TGM2: variants seen among roughly 807,000 people sequenced by gnomAD.
TGM2 encodes the protein protein-glutamine gamma-glutamyltransferase 2.
Under a neutral mutation model 75.6 loss-of-function variants are expected in TGM2, and 53 were observed. The observed-to-expected ratio is 0.70, with a 90% CI of 0.56 to 0.88. The LOEUF (loss-of-function observed/expected upper bound fraction) is 0.88. Among genes scored for constraint, TGM2 ranks in the 40% least tolerant of loss-of-function variants. The probability of loss-of-function intolerance (pLI) is 0.00; values close to 1 mark genes in which losing one functional copy is unlikely to be tolerated. For missense variants in TGM2, 842 were observed against 928.5 expected, an observed-to-expected ratio of 0.91 and a Z score of 1.21; for synonymous variants, 374 against 381.1, an observed-to-expected ratio of 0.98 and a Z score of 0.22.
intron 10 of TGM2, among the ~76,000 whole-genome samples, chr20:38,135,035 C>T (rs948283572): frequency 2.6e-5 from 4 of 152,224 alleles, no homozygotes; most frequent in Non-Finnish European, 5.9e-5. Context: ...GGATCCCCAA[C>T]AGGAGGGACC....
chr20:38,160,713 T>C (rs2075242507), intron 2 of TGM2, among the ~76,000 whole-genome samples: 1 of 152,174 alleles, frequency 6.6e-6, no homozygotes, highest in Non-Finnish European at 1.5e-5. Context: ...CTAGCTGGGC[T>C]TTTTCTCTGC....
chr20:38,143,274 A>G (rs45607335), intron 6 of TGM2, among the ~76,000 whole-genome samples: 395 of 152,342 alleles, frequency 2.6e-3, no homozygotes, highest in African/African-American at 7.3e-3. Context: ...AGCTGCTTTC[A>G]GCTGTGTGAC....
chr20:38,137,832 G>T, intron 10 of TGM2: 1 of 568,402 alleles, frequency 1.8e-6, no homozygotes. Flanking sequence ...TGTGAGGACA[G>T]GTTAACTCCC....
intron 2 of TGM2, among the ~76,000 whole-genome samples, chr20:38,159,432 A>G (rs2122965243): frequency 6.6e-6 from 1 of 152,234 alleles, no homozygotes; most frequent in South Asian, 2.1e-4. Flanking sequence ...CTGGGTGACA[A>G]AATAATCGGT....
chr20:38,150,861 C>G, intron 4 of TGM2, 78 bp downstream of exon 4: 1 of 1,116,154 alleles, frequency 9.0e-7, no homozygotes, highest in Non-Finnish European at 1.4e-6. Context: ...ACCTGTGCAG[C>G]TTTGGCTGCC....
chr20:38,152,879 G>GGGCC (rs1323014902), intron 3 of TGM2, among the ~76,000 whole-genome samples: 1 of 152,254 alleles, frequency 6.6e-6, no homozygotes, highest in Non-Finnish European at 1.5e-5. Flanking sequence ...AGGAGGAAGG[G>GGGCC]GGCCATCCCC....
chr20:38,147,217 C>T (rs527889251), intron 5 of TGM2, among the ~76,000 whole-genome samples: 11 of 152,162 alleles, frequency 7.2e-5, no homozygotes, highest in South Asian at 2.1e-4. Context: ...TACAAAGACC[C>T]GCTTGGGCCC....
At chr20:38,135,404 T>TACACACACACACAC (rs111420640) in intron 10 of TGM2, among the ~76,000 whole-genome samples, 5,386 of 147,354 alleles carry the variant, frequency 0.037, 114 homozygotes, top group Admixed American at 0.054. Flanking sequence ...CCTAAATGTA[T>TACACACACACACAC]ACACACACAC....
At chr20:38,138,062 G>C in intron 10 of TGM2, 51 bp downstream of exon 10, 1 of 1,538,196 alleles carries the variant, frequency 6.5e-7, no homozygotes, top group South Asian at 1.2e-5. Flanking sequence ...TCACTACCTA[G>C]CATGTTGTCA....
chr20:38,142,236 G>A (rs1467360316), intron 6 of TGM2, 37 bp from the exon 7 acceptor site: 1 of 1,613,322 alleles, frequency 6.2e-7, no homozygotes, highest in South Asian at 1.1e-5. Context: ...TGAGGTCCTG[G>A]AGACATCCGC....
chr20:38,139,644 G>A lies in TGM2; in HGVS notation c.1110C>T (p.Cys370=). The change falls in exon 9 of 13, where the codon TGC becomes TGT. Residue 370 remains cysteine (C), a synonymous_variant. Transcript: ENST00000361475. ...TPQEKSEGTY[C]CGPVPVRAIK... is the part of the protein sequence containing the mutation. ...TGGCACGAACTGGAACTGGGCCACA[G>A]CAGTACGTCCCTGGCAGAGGTAGAA... The A allele has an allele frequency of 1.2e-6, 2 of 1,614,188 alleles. No homozygotes were observed. The highest frequency in any genetic ancestry group is 1.7e-6 in the Non-Finnish European group (2 of 1,180,036).
Position 38,142,293 on chromosome 20 carries a change from T to C in TGM2, c.860-94A>G, listed in dbSNP as rs922933193. 4 of 1,576,390 alleles carry C rather than the reference T, an allele frequency of 2.5e-6. No individual in the cohort carries two copies. In the African/African-American group the frequency reaches 5.4e-5, roughly 21 times the overall value. On this transcript the variant is annotated intron_variant, in intron 6 of 12. Coordinates refer to ENST00000361475, the MANE Select transcript of TGM2 (RefSeq NM_004613.4). Reference sequence around the variant, plus strand: ...CCCATCTGCATTCCAGGGAACACTGTACCTGCTGTCCAAGTGCTGAGAACA... The same window carrying C: ...CCCATCTGCATTCCAGGGAACACTGCACCTGCTGTCCAAGTGCTGAGAACA...
chr20:38,144,434 G>A lies in TGM2; in HGVS notation c.860-2235C>T, dbSNP rs113020099. On this transcript the variant is annotated intron_variant, in intron 6 of 12. Coordinates refer to ENST00000361475, the MANE Select transcript of TGM2 (RefSeq NM_004613.4). ...AACAGCACAGTGTGTCATGGTGCCCGTTACGGCAAACGTCGTCCATCAGTG... is the reference window on the plus strand; with the variant it reads ...AACAGCACAGTGTGTCATGGTGCCCATTACGGCAAACGTCGTCCATCAGTG... Among the ~76,000 whole-genome samples the A allele has an allele frequency of 2.0e-4, 31 of 152,286 alleles. 1 individual carries two copies. Among genetic ancestry groups the A allele is most frequent in the African/African-American group, 6.3e-4 (26 of 41,554 alleles).
chr20:38,148,305 G>A (rs745938626), intron 4 of TGM2, among the ~76,000 whole-genome samples: 1 of 152,202 alleles, frequency 6.6e-6, no homozygotes, highest in African/African-American at 2.4e-5. Flanking sequence ...AGTGTGTGAC[G>A]AAGAGGGTAA....
At chr20:38,149,690 A>AAAAAAAAAAAAAAAAAC (rs1457426013) in intron 4 of TGM2, among the ~76,000 whole-genome samples, 19 of 149,004 alleles carry the variant, frequency 1.3e-4, no homozygotes, top group African/African-American at 4.8e-4. Flanking sequence ...AAAAAAAAAA[A>AAAAAAAAAAAAAAAAAC]AAAAAAAAAA....
intron 10 of TGM2, among the ~76,000 whole-genome samples, chr20:38,135,404 T>TACACACACACAC (rs111420640): frequency 0.013 from 1,884 of 147,388 alleles, 28 homozygotes; most frequent in African/African-American, 0.034. Context: ...CCTAAATGTA[T>TACACACACACAC]ACACACACAC....
chr20:38,147,917 C>T, intron 5 of TGM2, 44 bp downstream of exon 5: 1 of 1,586,636 alleles, frequency 6.3e-7, no homozygotes, highest in Non-Finnish European at 8.6e-7. Flanking sequence ...CTGCGGGAGC[C>T]CCCTGTAGGC....
intron 4 of TGM2, among the ~76,000 whole-genome samples, chr20:38,150,421 A>C (rs1479911689): frequency 2.6e-5 from 4 of 152,232 alleles, no homozygotes; most frequent in Admixed American, 1.3e-4. Flanking sequence ...AGATACAACC[A>C]GATCAGCAGT....
chr20:38,135,550 CCAGGCAG>C (rs45481702), intron 10 of TGM2, among the ~76,000 whole-genome samples: 38,055 of 151,372 alleles, frequency 0.25, 6,087 homozygotes, highest in African/African-American at 0.46. Context: ...GAGCCCACAG[CCAGGCAG>C]CAGGCAGCAG....
Sources: allele counts gnomAD v4.1 joint callset (sites outside exome capture counted in the v4.1 genomes callset), GRCh38; gene constraint gnomAD v4.1.1; transcripts MANE v1.5; gene names NCBI Gene and HGNC (gene_info 2026-07-23, HGNC 2026-07-21).